SLC9A9: variants seen among roughly 807,000 people sequenced by gnomAD.
The protein encoded by SLC9A9 is sodium/hydrogen exchanger 9.
A neutral mutation model predicts 77.8 loss-of-function variants in SLC9A9; 62 were observed. That is an observed-to-expected ratio of 0.80 (90% CI 0.65 to 0.98). SLC9A9 has a LOEUF of 0.98. Among genes scored for constraint, SLC9A9 ranks in the 50% least tolerant of loss-of-function variants. SLC9A9 has a pLI of 0.00. For synonymous variants in SLC9A9, 320 were observed against 283.5 expected, an observed-to-expected ratio of 1.13 and a Z score of -1.29; for missense variants, 775 against 774.9, an observed-to-expected ratio of 1.00 and a Z score of 0.00.
intron 8 of SLC9A9, 147 bp downstream of exon 8, chr3:143,573,941 C>T (rs1293722746): frequency 2.8e-6 from 2 of 705,454 alleles, no homozygotes; most frequent in East Asian, 2.8e-5. Context: ...CCAGCGTACC[C>T]AAGAGAGGCT....
At chr3:143,725,453 A>G (rs1934623626) in intron 4 of SLC9A9, among the ~76,000 whole-genome samples, 1 of 152,050 alleles carries the variant, frequency 6.6e-6, no homozygotes, top group African/African-American at 2.4e-5. Flanking sequence ...TTATTGCGGC[A>G]CTATTCACAA....
chr3:143,468,020 T>C (rs2035314609), intron 11 of SLC9A9, among the ~76,000 whole-genome samples: 1 of 152,258 alleles, frequency 6.6e-6, no homozygotes, highest in African/African-American at 2.4e-5. Context: ...TTTTTATTAC[T>C]GAGTAATATT....
chr3:143,807,539 G>T (rs1162661867), intron 2 of SLC9A9, among the ~76,000 whole-genome samples: 1 of 152,068 alleles, frequency 6.6e-6, no homozygotes, highest in Admixed American at 6.5e-5. Context: ...TTAAGGGCAT[G>T]GACACTCAGA....
intron 4 of SLC9A9, among the ~76,000 whole-genome samples, chr3:143,707,173 C>T (rs1437142066): frequency 2.0e-5 from 3 of 152,202 alleles, no homozygotes; most frequent in African/African-American, 7.2e-5. Context: ...CTGGCCTCTA[C>T]TGTCTTCTTA....
intron 6 of SLC9A9, among the ~76,000 whole-genome samples, chr3:143,644,374 C>T (rs370495858): frequency 3.9e-5 from 6 of 152,176 alleles, no homozygotes; most frequent in Admixed American, 6.6e-5. Flanking sequence ...TTCTAAGTTA[C>T]GGGGTAGAGT....
chr3:143,308,102 C>T (rs1267455048), intron 14 of SLC9A9, among the ~76,000 whole-genome samples: 1 of 152,172 alleles, frequency 6.6e-6, no homozygotes. Context: ...TGTCTGCCTC[C>T]ACCTTCACCC....
At chr3:143,435,872 G>C (rs1462180428) in intron 12 of SLC9A9, among the ~76,000 whole-genome samples, 1 of 152,058 alleles carries the variant, frequency 6.6e-6, no homozygotes, top group Non-Finnish European at 1.5e-5. Context: ...TAATACACCT[G>C]GAGGGTTAAC....
chr3:143,830,426 C>A (rs1225919123), intron 2 of SLC9A9, among the ~76,000 whole-genome samples: 1 of 152,194 alleles, frequency 6.6e-6, no homozygotes, highest in African/African-American at 2.4e-5. Flanking sequence ...TTCTCCATCT[C>A]TTGCCCTAAT....
chr3:143,630,106 A>G (rs1052224362), intron 6 of SLC9A9, among the ~76,000 whole-genome samples: 5 of 152,116 alleles, frequency 3.3e-5, no homozygotes, highest in African/African-American at 1.2e-4. Context: ...TGGGGGAAAA[A>G]GAGAAAAAAA....
intron 12 of SLC9A9, among the ~76,000 whole-genome samples, chr3:143,441,874 C>CCACT: frequency 6.6e-6 from 1 of 152,052 alleles, no homozygotes; most frequent in South Asian, 2.1e-4. Context: ...ATCCATCCAT[C>CCACT]CATCCACTCA....
chr3:143,568,187 T>A (rs2037201280), intron 8 of SLC9A9, among the ~76,000 whole-genome samples: 1 of 152,160 alleles, frequency 6.6e-6, no homozygotes, highest in Middle Eastern at 3.2e-3. Context: ...AGGGCTCTGC[T>A]ATTGAGGAGG....
intron 2 of SLC9A9, 138 bp from the exon 3 acceptor site, chr3:143,797,041 G>A (rs1396711541): frequency 4.6e-6 from 3 of 648,580 alleles, no homozygotes; most frequent in Admixed American, 3.0e-5. Flanking sequence ...AGAGATGAAG[G>A]TAGGAAAAAA....
intron 11 of SLC9A9, among the ~76,000 whole-genome samples, chr3:143,492,054 A>T (rs1005480902): frequency 6.6e-6 from 1 of 152,134 alleles, no homozygotes; most frequent in African/African-American, 2.4e-5. Context: ...GCACTTTGGG[A>T]GGCCGGGGCG....
chr3:143,342,854 G>A (rs1039152364), intron 14 of SLC9A9, among the ~76,000 whole-genome samples: 9 of 152,134 alleles, frequency 5.9e-5, no homozygotes, highest in Non-Finnish European at 7.3e-5. Flanking sequence ...AAATATACAC[G>A]CGCCACGCTT....
At chr3:143,268,756 A>AAAAAC (rs1937807974) in intron 15 of SLC9A9, 119 bp downstream of exon 15, 2 of 562,502 alleles carry the variant, frequency 3.6e-6, no homozygotes, top group African/African-American at 2.0e-5. Flanking sequence ...AAAAAAAAAA[A>AAAAAC]AGCTTCCTCC....
chr3:143,653,478 C>T (rs1329255266), intron 5 of SLC9A9, among the ~76,000 whole-genome samples: 1 of 152,052 alleles, frequency 6.6e-6, no homozygotes, highest in Non-Finnish European at 1.5e-5. Context: ...TCTGTTTTTC[C>T]TTTCCTATTT....
At chr3:143,693,033 CCTTTT>C (rs1933523065) in intron 5 of SLC9A9, among the ~76,000 whole-genome samples, 154 bp downstream of exon 5, 1 of 152,112 alleles carries the variant, frequency 6.6e-6, no homozygotes, top group Non-Finnish European at 1.5e-5. Context: ...AAAATATTCC[CCTTTT>C]CTTTTCTTTT....
rs1934591355 is a variant in SLC9A9 at position 143,724,708 on chromosome 3, G to C, written c.534-31401C>G. Among the ~76,000 whole-genome samples, 4 of 152,204 alleles carry C rather than the reference G, an allele frequency of 2.6e-5. No individual in the cohort carries two copies. In the South Asian group the frequency reaches 8.3e-4, roughly 31 times the overall value. ...AAACAAAACTACAATGATTGCTTCTGATGAGAAGAGTCTAATGTGTTAAAC... is the reference window on the plus strand; with the variant it reads ...AAACAAAACTACAATGATTGCTTCTCATGAGAAGAGTCTAATGTGTTAAAC... On this transcript the variant is annotated intron_variant, in intron 4 of 15. Transcript: ENST00000316549.
At chr3:143,787,970 T>C (rs1253788690) in intron 4 of SLC9A9, among the ~76,000 whole-genome samples, 2 of 152,034 alleles carry the variant, frequency 1.3e-5, no homozygotes, top group Non-Finnish European at 2.9e-5. Context: ...CTCTCTGTCT[T>C]ATCCTACAAG....
Sources: gnomAD v4.1 joint callset for allele counts (sites outside exome capture counted in the v4.1 genomes callset) on GRCh38, gnomAD v4.1.1 for gene constraint, MANE v1.5 for transcripts, NCBI Gene and HGNC (gene_info 2026-07-23, HGNC 2026-07-21) for gene names.